The following TRMT11 variants were observed in gnomAD, a reference collection of about 807,000 sequenced individuals.
The protein encoded by TRMT11 is tRNA methyltransferase 11.
A neutral mutation model predicts 62.8 loss-of-function variants in TRMT11; 53 were observed. The observed-to-expected ratio is 0.84, with a 90% CI of 0.68 to 1.06. The LOEUF is 1.06. Ranked by LOEUF, TRMT11 falls within the 50% of genes least tolerant of loss-of-function variation. The pLI is 0.00. For synonymous variants in TRMT11, 188 were observed against 190.3 expected (o/e 0.99, Z 0.10); for missense variants, 556 against 553.4 (o/e 1.00, Z -0.05).
At chr6:126,216,838 GTCTCTC>G in the TRMT11 span, among the ~76,000 whole-genome samples, 1 of 151,586 alleles carries the variant, frequency 6.6e-6, no homozygotes. Context: ...TTATACACCT[GTCTCTC>G]TCTCTTCCCC....
intron 17 of TRMT11, among the ~76,000 whole-genome samples, chr6:126,063,461 GT>G (rs1776597013): frequency 6.6e-6 from 1 of 152,206 alleles, no homozygotes; most frequent in African/African-American, 2.4e-5. Context: ...AAACGTTTCT[GT>G]AACAGTTCTG....
chr6:126,266,013 C>T, the TRMT11 span, among the ~76,000 whole-genome samples: 50 of 152,216 alleles, frequency 3.3e-4, no homozygotes, highest in African/African-American at 1.2e-3. Flanking sequence ...TATGAGCCAT[C>T]TTTTTTAAAC....
the TRMT11 span, among the ~76,000 whole-genome samples, chr6:126,241,773 TA>T: frequency 1.1e-4 from 16 of 152,312 alleles, no homozygotes; most frequent in Admixed American, 5.2e-4. Flanking sequence ...CTCAATAAAT[TA>T]GGTATTGTTG....
At chr6:126,129,580 TG>T (rs2128205475) in intron 21 of TRMT11, among the ~76,000 whole-genome samples, 1 of 152,150 alleles carries the variant, frequency 6.6e-6, no homozygotes, top group African/African-American at 2.4e-5. Context: ...TAGAGTGCAG[TG>T]ATGCAATCAT....
chr6:126,198,949 G>C (rs1778703193), intron 2 of TRMT11: 1 of 152,172 alleles, frequency 6.6e-6, no homozygotes. Flanking sequence ...CCTGATCTCT[G>C]TCCTCCAATT....
intron 1 of TRMT11, among the ~76,000 whole-genome samples, chr6:126,191,807 C>T (rs897605242): frequency 1.3e-5 from 2 of 151,986 alleles, no homozygotes; most frequent in Non-Finnish European, 2.9e-5. Flanking sequence ...TTTTATGTGT[C>T]TGTTTTTATG....
chr6:126,201,463 C>T (rs1456741750), intron 3 of TRMT11, among the ~76,000 whole-genome samples: 1 of 152,198 alleles, frequency 6.6e-6, no homozygotes, highest in African/African-American at 2.4e-5. Flanking sequence ...CCATTGCCTT[C>T]CAAGAACTGG....
intron 1 of TRMT11, among the ~76,000 whole-genome samples, chr6:126,196,791 A>T (rs2128250381): frequency 6.6e-6 from 1 of 152,278 alleles, no homozygotes; most frequent in South Asian, 2.1e-4. Context: ...TTAAAAATTC[A>T]TGACAATGGG....
chr6:126,146,442 T>C (rs1046356005), intron 21 of TRMT11, among the ~76,000 whole-genome samples: 1 of 152,146 alleles, frequency 6.6e-6, no homozygotes, highest in South Asian at 2.1e-4. Flanking sequence ...ATTCTAACTG[T>C]AGTTTGGTTC....
chr6:126,198,205 A>C (rs1778689677), intron 1 of TRMT11, among the ~76,000 whole-genome samples: 1 of 152,192 alleles, frequency 6.6e-6, no homozygotes, highest in Non-Finnish European at 1.5e-5. Flanking sequence ...TTCCAGATGC[A>C]TGACAAAAAA....
intron 17 of TRMT11, among the ~76,000 whole-genome samples, chr6:126,077,241 T>A (rs1055253289): frequency 4.6e-5 from 7 of 152,214 alleles, no homozygotes; most frequent in African/African-American, 1.2e-4. Context: ...TATTTAGTGT[T>A]CTAAATCAGG....
rs533723615 is a variant in TRMT11 at position 126,088,332 on chromosome 6, CT to C, written c.*1438-24532del. ...CTTTTTTCCTTTTTCAAATTATAAGCTTATGCCACACCAGTGGTTTTCAACT... is the reference window on the plus strand; with the variant it reads ...CTTTTTTCCTTTTTCAAATTATAAGCTATGCCACACCAGTGGTTTTCAACT... On this transcript the variant is annotated intron_variant and NMD_transcript_variant, in intron 17 of 22. Transcript: ENST00000648977. Among the ~76,000 whole-genome samples the C allele has an allele frequency of 9.1e-4, 139 of 152,212 alleles. 1 individual carries two copies. The highest frequency in any genetic ancestry group is 3.4e-3 in the Middle Eastern group (1 of 294).
downstream of TRMT11, among the ~76,000 whole-genome samples, chr6:126,203,380 A>G (rs553960445): frequency 2.3e-4 from 35 of 152,364 alleles, no homozygotes; most frequent in Non-Finnish European, 4.0e-4. Context: ...AGTAGAAGAC[A>G]GATTCAAAAC....
the TRMT11 span, among the ~76,000 whole-genome samples, chr6:126,211,928 C>G: frequency 1.3e-5 from 2 of 151,916 alleles, no homozygotes; most frequent in Admixed American, 6.6e-5. Flanking sequence ...ACTCCTACCC[C>G]CTACCCTTCC....
chr6:126,082,476 A>G (rs958815709), intron 17 of TRMT11, among the ~76,000 whole-genome samples: 1 of 152,106 alleles, frequency 6.6e-6, no homozygotes, highest in African/African-American at 2.4e-5. Context: ...CTTGGTTGCC[A>G]CCTTGCAGAA....
chr6:126,047,287 C>T (rs968644330), intron 16 of TRMT11, among the ~76,000 whole-genome samples: 10 of 151,076 alleles, frequency 6.6e-5, no homozygotes, highest in Non-Finnish European at 1.2e-4. Flanking sequence ...TTATCCTGTA[C>T]CCATATAAAC....
the TRMT11 span, among the ~76,000 whole-genome samples, chr6:126,230,085 G>A: frequency 6.6e-6 from 1 of 152,114 alleles, no homozygotes; most frequent in African/African-American, 2.4e-5. Context: ...CCAGATTAGA[G>A]GCCAAAGGAG....
At chr6:126,083,701 C>T (rs1201517658) in intron 17 of TRMT11, among the ~76,000 whole-genome samples, 12 of 152,088 alleles carry the variant, frequency 7.9e-5, no homozygotes, top group Admixed American at 1.3e-4. Flanking sequence ...GTCCTCATGT[C>T]GTACATTAGA....
chr6:126,004,321 GT>G (rs576443879), intron 7 of TRMT11, among the ~76,000 whole-genome samples: 385 of 152,172 alleles, frequency 2.5e-3, no homozygotes, highest in Non-Finnish European at 4.6e-3. Flanking sequence ...GCTCCTCACA[GT>G]GGGTAGTATA....
Sources: gnomAD v4.1 joint callset for allele counts (sites outside exome capture counted in the v4.1 genomes callset) on GRCh38, gnomAD v4.1.1 for gene constraint, MANE v1.5 for transcripts, NCBI Gene and HGNC (gene_info 2026-07-23, HGNC 2026-07-21) for gene names.